Variants in ZNF528 observed in about 807,000 individuals in gnomAD.
The protein encoded by ZNF528 is zinc finger protein 528.
A neutral mutation model predicts 13.3 loss-of-function variants in ZNF528; 9 were observed. The ratio of observed to expected loss-of-function variants is 0.67; its 90% CI spans 0.41 to 1.18. The LOEUF is 1.18. Ranked by LOEUF, ZNF528 falls within the 50% of genes most tolerant of loss-of-function variation. ZNF528 has a pLI of 0.01. For missense variants in ZNF528, 858 were observed against 745.4 expected (o/e 1.15, Z -1.76); for synonymous variants, 264 against 254.3 (o/e 1.04, Z -0.36).
At chr19:52,406,371 T>C (rs2058856230) in intron 5 of ZNF528, 144 bp from the exon 6 acceptor site, 1 of 1,271,692 alleles carries the variant, frequency 7.9e-7, no homozygotes. Context: ...CAATGTTCCC[T>C]AAGCATTCAG....
chr19:52,406,519 C>G lies in ZNF528; in HGVS notation c.147C>G (p.Ile49Met). Residue 49 changes from isoleucine (I) to methionine (M), a missense_variant, in exon 6 of 7, where the codon ATC becomes ATG. Ile to Met is a conservative substitution (Grantham distance 10). Transcript: ENST00000360465. ...TATTCTTTCTTTTATAAATAGGAAT[C>G]TGTCTTCCTGACCTGAGTGTTACCT... is the stretch of plus-strand genomic sequence containing the variant. The part of the protein sequence containing the change: ...ENYRNLVSLG[I>M]CLPDLSVTSM... The G allele has an allele frequency of 3.1e-6, 5 of 1,612,890 alleles. No homozygotes were observed. Among genetic ancestry groups the G allele is most frequent in the Non-Finnish European group, 4.2e-6 (5 of 1,179,718 alleles).
chr19:52,415,093 T>C, intron 6 of ZNF528, 31 bp from the exon 7 acceptor site: 1 of 1,610,932 alleles, frequency 6.2e-7, no homozygotes, highest in Non-Finnish European at 8.5e-7. Context: ...TTATCATGGG[T>C]TGAAGTTCCA....
chr19:52,398,763 G>A (rs527249780), intron 2 of ZNF528, 144 bp downstream of exon 2: 5 of 306,674 alleles, frequency 1.6e-5, no homozygotes, highest in Non-Finnish European at 1.9e-5. Flanking sequence ...CAGACAGAGG[G>A]GGGAGAGGAG....
intron 6 of ZNF528, chr19:52,413,375 T>G (rs1297884534): frequency 1.3e-5 from 2 of 152,194 alleles, no homozygotes. Context: ...GCCAAAAGTT[T>G]TACATCAAAG....
chr19:52,415,671 A>G lies in ZNF528; in HGVS notation c.819A>G (p.Glu273=), dbSNP rs1378323001. Reference sequence around the variant, plus strand: ...GAGAGAAGCCTTACAAATGTCATGAATGTGACAAGGTCTTTCGAAGCAGTT... The same window carrying G: ...GAGAGAAGCCTTACAAATGTCATGAGTGTGACAAGGTCTTTCGAAGCAGTT... The part of the protein sequence containing the change: ...HTGEKPYKCH[E]CDKVFRSSSK... The change falls in exon 7 of 7, where the codon GAA becomes GAG. Residue 273 remains glutamate (E), a synonymous_variant. Transcript: ENST00000360465. 6.2e-6 allele frequency: 10 copies of G among 1,614,070 alleles called. No individual in the cohort carries two copies. The highest frequency in any genetic ancestry group is 7.6e-6 in the Non-Finnish European group (9 of 1,180,034).
intron 2 of ZNF528, among the ~76,000 whole-genome samples, chr19:52,399,431 G>A (rs1429781685): frequency 2.0e-5 from 3 of 152,134 alleles, no homozygotes; most frequent in African/African-American, 7.2e-5. Context: ...GCCAACATGT[G>A]AAACCCATCT....
chr19:52,414,107 G>A (rs944310612), intron 6 of ZNF528: 6 of 665,206 alleles, frequency 9.0e-6, no homozygotes, highest in South Asian at 4.9e-5. Flanking sequence ...TTAGAGCACC[G>A]ACCTCATATC....
At position 52,416,060 on chromosome 19, in the gene ZNF528, A is replaced by G; in HGVS notation, c.1208A>G (p.His403Arg). Reference protein sequence around the residue: ...KCFLTSHQRIHTRERPYGCSQ... With the variant: ...KCFLTSHQRIRTRERPYGCSQ... ...TTCCTGACCTCTCATCAGAGAATTC[A>G]TACTAGAGAGAGACCTTATGGATGC... Residue 403 changes from histidine to arginine, a missense_variant, in exon 7 of 7, where the codon CAT (histidine) becomes CGT (arginine). His to Arg is a conservative substitution (Grantham distance 29). Transcript: ENST00000360465. The G allele has an allele frequency of 6.2e-7, 1 of 1,614,070 alleles. No homozygotes were observed. Among genetic ancestry groups the G allele is most frequent in the Non-Finnish European group, 8.5e-7 (1 of 1,180,034 alleles).
intron 5 of ZNF528, among the ~76,000 whole-genome samples, chr19:52,406,258 A>G (rs2058854942): frequency 6.6e-6 from 1 of 152,184 alleles, no homozygotes; most frequent in African/African-American, 2.4e-5. Context: ...CGAAGTATGC[A>G]GGAAACCTTA....
At chr19:52,402,072 C>T (rs777034571) in intron 4 of ZNF528, 44 bp downstream of exon 4, 52 of 1,613,888 alleles carry the variant, frequency 3.2e-5, no homozygotes, top group Middle Eastern at 3.3e-4. Context: ...CTGTTTCTTC[C>T]TGAAATGCCA....
chr19:52,405,053 T>C (rs1409597742), intron 4 of ZNF528, among the ~76,000 whole-genome samples: 2 of 151,296 alleles, frequency 1.3e-5, no homozygotes, highest in Non-Finnish European at 2.9e-5. Flanking sequence ...CCGTCTCTAC[T>C]AAAAATACAA....
Position 52,401,877 on chromosome 19 carries a change from G to A in ZNF528, c.-67-70G>A, listed in dbSNP as rs942991678. 2.2e-5 allele frequency: 34 copies of A among 1,561,898 alleles called. 1 individual carries two copies. In the Middle Eastern group the frequency reaches 1.0e-3, roughly 46 times the overall value. ...TACCTCAGGGTGAGGTCTTCCCTTT[G>A]TGTGTGGCTATGGCACAGGAAGGAG... On this transcript the variant is annotated intron_variant, in intron 3 of 6. Coordinates refer to ENST00000360465, the MANE Select transcript of ZNF528 (RefSeq NM_032423.3).
chr19:52,413,778 C>G (rs2058962570), intron 6 of ZNF528: 1 of 152,940 alleles, frequency 6.5e-6, no homozygotes, highest in Non-Finnish European at 1.5e-5. Context: ...AGCCTGCTGC[C>G]CAGCAGAATA....
In ZNF528 at chr19:52,414,563, A is replaced by G. The variant is rs182378815; in HGVS notation, c.272-561A>G. On this transcript the variant is annotated intron_variant, in intron 6 of 6. Transcript: ENST00000360465. Reference sequence around the variant, plus strand: ...ATAGACTGTAGATGTCCCAGTAGATAATTTCAATGAGCATGGCACCAGGGA... The same window carrying G: ...ATAGACTGTAGATGTCCCAGTAGATGATTTCAATGAGCATGGCACCAGGGA... The G allele has an allele frequency of 7.4e-4, 366 of 494,784 alleles. 1 individual carries two copies. The highest frequency in any genetic ancestry group is 1.2e-3 in the Non-Finnish European group (336 of 274,108). The allele number at this position is 494,784 out of a possible 1,614,324, so 30.6% of individuals were successfully genotyped here.
chr19:52,406,379 C>A, intron 5 of ZNF528, 136 bp from the exon 6 acceptor site: 1 of 1,327,482 alleles, frequency 7.5e-7, no homozygotes, highest in Non-Finnish European at 1.0e-6. Context: ...CCTAAGCATT[C>A]AGAAAGAGGC....
chr19:52,410,881 C>A (rs752638302), intron 6 of ZNF528, among the ~76,000 whole-genome samples: 1 of 152,106 alleles, frequency 6.6e-6, no homozygotes, highest in Non-Finnish European at 1.5e-5. Flanking sequence ...TAGCATAGGG[C>A]GTAGCCAATT....
At chr19:52,404,994 G>A (rs1421841213) in intron 4 of ZNF528, among the ~76,000 whole-genome samples, 1 of 151,708 alleles carries the variant, frequency 6.6e-6, no homozygotes, top group Non-Finnish European at 1.5e-5. Context: ...AAGGCAGGTG[G>A]ATCAGGAGGT....
At chr19:52,400,227 A>AACACACACACACACACAC (rs56136198) in intron 2 of ZNF528, among the ~76,000 whole-genome samples, 102 of 144,710 alleles carry the variant, frequency 7.0e-4, no homozygotes, top group African/African-American at 2.3e-3. Flanking sequence ...TGCCCATTAA[A>AACACACACACACACACAC]ACACACACAC....
intron 6 of ZNF528, 128 bp downstream of exon 6, chr19:52,406,771 A>C: frequency 7.9e-7 from 1 of 1,267,948 alleles, no homozygotes; most frequent in South Asian, 2.0e-5. Flanking sequence ...TCCTGGACTT[A>C]AGGGATCTCC....
Sources: gnomAD v4.1 joint callset for allele counts (sites outside exome capture counted in the v4.1 genomes callset) on GRCh38, gnomAD v4.1.1 for gene constraint, MANE v1.5 for transcripts, NCBI Gene and HGNC (gene_info 2026-07-23, HGNC 2026-07-21) for gene names.